Variants in SV2C observed in about 807,000 individuals in gnomAD.
SV2C encodes the protein solute carrier family 22 member B3.
A neutral mutation model predicts 79.7 loss-of-function variants in SV2C; 49 were observed. That is an observed-to-expected ratio of 0.61 (90% CI 0.49 to 0.78). The LOEUF is 0.78. Ranked by LOEUF, SV2C falls within the 30% of genes least tolerant of loss-of-function variation. SV2C has a pLI of 0.00. For synonymous variants in SV2C, 334 were observed against 333.2 expected (o/e 1.00, Z -0.03); for missense variants, 833 against 912.9 (o/e 0.91, Z 1.13).
chr5:75,978,307 A>T, the SV2C span, among the ~76,000 whole-genome samples: 1 of 152,080 alleles, frequency 6.6e-6, no homozygotes, highest in Non-Finnish European at 1.5e-5. Flanking sequence ...TTCGCTGGAT[A>T]TTCCTCTCCT....
At chr5:76,123,715 T>C (rs1045273465) in intron 1 of SV2C, among the ~76,000 whole-genome samples, 93 of 152,314 alleles carry the variant, frequency 6.1e-4, no homozygotes, top group African/African-American at 2.2e-3. Flanking sequence ...AAAATTGTTT[T>C]GACATCACAG....
At chr5:75,961,519 ATT>A in the SV2C span, among the ~76,000 whole-genome samples, 3 of 151,960 alleles carry the variant, frequency 2.0e-5, no homozygotes, top group Non-Finnish European at 4.4e-5. Flanking sequence ...AATCATAATT[ATT>A]TTGTTTTCAA....
the SV2C span, among the ~76,000 whole-genome samples, chr5:75,997,579 C>G: frequency 1.3e-5 from 2 of 152,152 alleles, no homozygotes; most frequent in South Asian, 4.1e-4. Context: ...AACCAAAACA[C>G]ACATGAAAAA....
the SV2C span, among the ~76,000 whole-genome samples, chr5:75,956,012 G>C: frequency 1.3e-4 from 19 of 147,674 alleles, no homozygotes; most frequent in Admixed American, 7.4e-4. Context: ...TCTAGAACTA[G>C]AAATACCATT....
chr5:76,208,889 A>G (rs1475847846), intron 3 of SV2C, among the ~76,000 whole-genome samples: 1 of 152,152 alleles, frequency 6.6e-6, no homozygotes, highest in African/African-American at 2.4e-5. Flanking sequence ...TTTTAGGGCC[A>G]AGACCTATTT....
rs186360053 is a variant in SV2C at position 76,125,969 on chromosome 5, G to A, written c.-101-5681G>A. Among the ~76,000 whole-genome samples, 417 of 152,200 alleles carry A rather than the reference G, an allele frequency of 2.7e-3. 2 individuals are homozygous for A. The highest frequency in any genetic ancestry group is 4.9e-3 in the Non-Finnish European group (330 of 67,990). ...CTACTTGGGAGGCTGAGGTGGGAGG[G>A]TCGCTTGAGCTTGGGAAGCTGAGGC... On this transcript the variant is annotated intron_variant, in intron 1 of 12. Transcript: ENST00000502798.
At chr5:76,048,733 A>C in the SV2C span, among the ~76,000 whole-genome samples, 1 of 151,652 alleles carries the variant, frequency 6.6e-6, no homozygotes, top group Non-Finnish European at 1.5e-5. Context: ...GAACACAGTG[A>C]GAAGGTGCAC....
the SV2C span, among the ~76,000 whole-genome samples, chr5:75,941,905 G>A: frequency 6.6e-6 from 1 of 152,202 alleles, no homozygotes; most frequent in Non-Finnish European, 1.5e-5. Context: ...CCTGGAGAAA[G>A]GAATGCTGCA....
chr5:75,885,013 G>A, the SV2C span, among the ~76,000 whole-genome samples: 1 of 152,074 alleles, frequency 6.6e-6, no homozygotes, highest in Non-Finnish European at 1.5e-5. Context: ...GCTATTTTGA[G>A]CATCTGTAAT....
the SV2C span, among the ~76,000 whole-genome samples, chr5:75,885,282 G>A: frequency 9.2e-5 from 14 of 152,168 alleles, no homozygotes; most frequent in Non-Finnish European, 1.9e-4. Flanking sequence ...TATTTTATTA[G>A]CCTCTGTACT....
chr5:75,971,544 T>G, the SV2C span, among the ~76,000 whole-genome samples: 55 of 151,876 alleles, frequency 3.6e-4, no homozygotes, highest in South Asian at 1.5e-3. Flanking sequence ...GACAAACAGA[T>G]AGCCAAATCA....
chr5:76,137,956 A>G (rs954017782), intron 2 of SV2C, among the ~76,000 whole-genome samples: 6 of 152,190 alleles, frequency 3.9e-5, no homozygotes, highest in Admixed American at 3.3e-4. Flanking sequence ...AAAAATTTTA[A>G]TATCTTATCT....
At chr5:75,980,145 C>T in the SV2C span, among the ~76,000 whole-genome samples, 1 of 152,082 alleles carries the variant, frequency 6.6e-6, no homozygotes, top group South Asian at 2.1e-4. Context: ...CGGACACATA[C>T]ATCCTGCCAA....
chr5:76,307,484 G>C (rs79420116), intron 12 of SV2C, among the ~76,000 whole-genome samples: 3,099 of 152,260 alleles, frequency 0.02, 113 homozygotes, highest in African/African-American at 0.068. Flanking sequence ...AGTTCAATTT[G>C]ATTAGGTGGC....
chr5:76,227,200 G>A (rs930978859), intron 4 of SV2C, among the ~76,000 whole-genome samples: 2 of 152,202 alleles, frequency 1.3e-5, no homozygotes, highest in African/African-American at 4.8e-5. Flanking sequence ...ATGACGGCCT[G>A]TACTGCACAG....
chr5:76,023,869 A>G, the SV2C span, among the ~76,000 whole-genome samples: 2 of 151,816 alleles, frequency 1.3e-5, no homozygotes, highest in African/African-American at 4.8e-5. Flanking sequence ...TTTGGGCCAG[A>G]CAATTCTTTG....
At chr5:76,120,281 TTTC>T (rs1351977873) in intron 1 of SV2C, among the ~76,000 whole-genome samples, 14 of 94,234 alleles carry the variant, frequency 1.5e-4, no homozygotes, top group African/African-American at 1.6e-4. Context: ...TCAAATAACA[TTTC>T]TTTTTTTTTT....
the SV2C span, among the ~76,000 whole-genome samples, chr5:75,881,871 G>C: frequency 2.0e-5 from 3 of 146,858 alleles, no homozygotes; most frequent in Admixed American, 1.3e-4. Context: ...TCCCTGTCTT[G>C]TGCCAGTTTT....
intron 2 of SV2C, among the ~76,000 whole-genome samples, chr5:76,140,940 A>G (rs1438741843): frequency 2.6e-5 from 4 of 152,210 alleles, no homozygotes; most frequent in Non-Finnish European, 4.4e-5. Flanking sequence ...TTAAAAAGTT[A>G]TTGGCTCATA....
Sources: gnomAD v4.1 joint callset for allele counts (sites outside exome capture counted in the v4.1 genomes callset) on GRCh38, gnomAD v4.1.1 for gene constraint, MANE v1.5 for transcripts, NCBI Gene and HGNC (gene_info 2026-07-23, HGNC 2026-07-21) for gene names.